TSHZ3: variants seen among roughly 807,000 people sequenced by gnomAD.
TSHZ3 encodes the protein teashirt zinc finger homeobox 3, also known as teashirt homolog 3.
In TSHZ3, 10 loss-of-function variants were observed where a neutral mutation model predicts 64.5. The observed-to-expected ratio is 0.16, with a 90% CI of 0.10 to 0.26. TSHZ3 has a LOEUF of 0.26. Among genes scored for constraint, TSHZ3 ranks in the 10% least tolerant of loss-of-function variants. The pLI is 1.00. For missense variants in TSHZ3, 1,242 were observed against 1,421.7 expected (o/e 0.87, Z 2.03); for synonymous variants, 608 against 593.1 (o/e 1.03, Z -0.36).
intron 4 of TSHZ3, among the ~76,000 whole-genome samples, chr19:31,209,352 G>A (rs1266923490): frequency 6.6e-6 from 1 of 152,174 alleles, no homozygotes; most frequent in Non-Finnish European, 1.5e-5. Flanking sequence ...CTTGCCATTT[G>A]CTGGGTCCCC....
At position 31,256,293 on chromosome 19, in the gene TSHZ3, T is replaced by A. The variant is rs117386006; in HGVS notation, n.64-13418A>T. Among the ~76,000 whole-genome samples the A allele has an allele frequency of 8.2e-3, 1,253 of 152,166 alleles. 11 individuals are homozygous for A. Among genetic ancestry groups the A allele is most frequent in the Non-Finnish European group, 0.011 (766 of 67,998 alleles). ...AGTGAAGAATCCCTTTACATCTCATTAGAATCCAACACACCCTCTGTGCAC... is the reference window on the plus strand; with the variant it reads ...AGTGAAGAATCCCTTTACATCTCATAAGAATCCAACACACCCTCTGTGCAC... On this transcript the variant is annotated intron_variant and non_coding_transcript_variant, in intron 1 of 6. Coordinates refer to the TSHZ3 transcript ENST00000651361.
At chr19:31,256,260 C>T (rs1413792225) in intron 1 of TSHZ3, among the ~76,000 whole-genome samples, 4 of 152,132 alleles carry the variant, frequency 2.6e-5, no homozygotes, top group Admixed American at 6.5e-5. Context: ...TTTTAGTCTT[C>T]CCTGTCTAGT....
downstream of TSHZ3, among the ~76,000 whole-genome samples, chr19:31,269,960 T>C (rs1417367892): frequency 6.6e-6 from 1 of 152,050 alleles, no homozygotes; most frequent in Non-Finnish European, 1.5e-5. Flanking sequence ...CTCCAAGTCA[T>C]TGGGTGCAAA....
intron 1 of TSHZ3, among the ~76,000 whole-genome samples, chr19:31,256,100 C>T (rs917290011): frequency 6.6e-6 from 1 of 152,066 alleles, no homozygotes; most frequent in African/African-American, 2.4e-5. Flanking sequence ...CCATGTTCAC[C>T]CTCCCCGAGG....
intron 1 of TSHZ3, among the ~76,000 whole-genome samples, chr19:31,267,745 G>A (rs889640714): frequency 1.3e-5 from 2 of 152,156 alleles, no homozygotes; most frequent in Non-Finnish European, 2.9e-5. Context: ...GAGAGCAGAG[G>A]CTGTGGCCAG....
At chr19:31,183,533 C>G (rs901636040) in intron 5 of TSHZ3, among the ~76,000 whole-genome samples, 1 of 152,150 alleles carries the variant, frequency 6.6e-6, no homozygotes, top group East Asian at 1.9e-4. Context: ...CTGAAACCAA[C>G]CTTCCAGAGA....
At chr19:31,252,752 C>T (rs777044632) in intron 1 of TSHZ3, among the ~76,000 whole-genome samples, 1 of 152,156 alleles carries the variant, frequency 6.6e-6, no homozygotes, top group Non-Finnish European at 1.5e-5. Context: ...TATAAATTAC[C>T]CAGTCTCAGG....
chr19:31,262,392 G>A (rs909161750), intron 1 of TSHZ3, among the ~76,000 whole-genome samples: 2 of 152,122 alleles, frequency 1.3e-5, no homozygotes, highest in African/African-American at 4.8e-5. Flanking sequence ...CACGAGCTGG[G>A]TAAATGCTAC....
chr19:31,244,750 G>A (rs1056072084), intron 1 of TSHZ3, among the ~76,000 whole-genome samples: 8 of 152,032 alleles, frequency 5.3e-5, no homozygotes, highest in African/African-American at 1.9e-4. Context: ...TTCAAGTGAT[G>A]CTCCCACTTC....
At chr19:31,341,392 A>G (rs1355596068) in intron 1 of TSHZ3, among the ~76,000 whole-genome samples, 1 of 152,048 alleles carries the variant, frequency 6.6e-6, no homozygotes, top group Non-Finnish European at 1.5e-5. Context: ...CAGAGGCCTG[A>G]TGGGGTGGGA....
chr19:31,203,976 AAT>A (rs1471473005), intron 5 of TSHZ3, among the ~76,000 whole-genome samples: 2 of 152,088 alleles, frequency 1.3e-5, no homozygotes, highest in African/African-American at 4.8e-5. Flanking sequence ...AGGAAACTTA[AAT>A]CATGGCGGAA....
intron 6 of TSHZ3, among the ~76,000 whole-genome samples, chr19:31,153,172 G>A (rs1599549627): frequency 6.6e-6 from 1 of 152,244 alleles, no homozygotes; most frequent in African/African-American, 2.4e-5. Flanking sequence ...GCATAAAGTT[G>A]ATGATACCGT....
rs561284371 is a variant in TSHZ3 at position 31,157,929 on chromosome 19, T to G, written n.810-1512A>C. Among the ~76,000 whole-genome samples the G allele has an allele frequency of 2.0e-5, 3 of 152,332 alleles. 1 individual carries two copies. The highest frequency in any genetic ancestry group is 2.0e-4 in the Admixed American group (3 of 15,300). ...TAAGACCGCTTTTCCCAGCCCTGCC[T>G]CACCCTGTGGTCACTCTCGTGGTAC... On this transcript the variant is annotated intron_variant and non_coding_transcript_variant, in intron 5 of 6. Transcript: ENST00000651361.
intron 1 of TSHZ3, among the ~76,000 whole-genome samples, chr19:31,323,863 A>ACACAC (rs1916850882): frequency 4.1e-5 from 5 of 122,238 alleles, no homozygotes; most frequent in Non-Finnish European, 6.9e-5. Context: ...CCTGGCCTCC[A>ACACAC]ACACACACAC....
chr19:31,238,499 G>A (rs539301568), intron 3 of TSHZ3, among the ~76,000 whole-genome samples: 1 of 152,060 alleles, frequency 6.6e-6, no homozygotes, highest in Non-Finnish European at 1.5e-5. Flanking sequence ...CGAGTGATCT[G>A]CCTACCTTGG....
intron 3 of TSHZ3, among the ~76,000 whole-genome samples, chr19:31,231,543 C>CTA: frequency 6.6e-6 from 1 of 152,276 alleles, no homozygotes; most frequent in Admixed American, 6.5e-5. Context: ...TAGTGTAAAA[C>CTA]ATGATGTTTT....
intron 5 of TSHZ3, among the ~76,000 whole-genome samples, chr19:31,183,675 C>A (rs768078842): frequency 7.9e-5 from 12 of 152,102 alleles, no homozygotes; most frequent in African/African-American, 2.7e-4. Context: ...CAATATGGCT[C>A]AACCTGTAAG....
At chr19:31,191,236 C>T (rs1230200189) in intron 5 of TSHZ3, among the ~76,000 whole-genome samples, 1 of 152,036 alleles carries the variant, frequency 6.6e-6, no homozygotes, top group Non-Finnish European at 1.5e-5. Context: ...TATGTAGACA[C>T]ATTACAGCCA....
At chr19:31,193,242 G>A (rs941967510) in intron 5 of TSHZ3, among the ~76,000 whole-genome samples, 12 of 152,100 alleles carry the variant, frequency 7.9e-5, no homozygotes, top group Non-Finnish European at 1.6e-4. Context: ...TGTGGCTCCA[G>A]TCTGAAATTT....
Sources: allele counts gnomAD v4.1 joint callset (sites outside exome capture counted in the v4.1 genomes callset), GRCh38; gene constraint gnomAD v4.1.1; transcripts MANE v1.5; gene names NCBI Gene and HGNC (gene_info 2026-07-23, HGNC 2026-07-21).